Variants in LRRC37A2 observed in about 807,000 individuals in gnomAD.
LRRC37A2 encodes leucine-rich repeat-containing protein 37A2.
In LRRC37A2, 9 loss-of-function variants were observed where a neutral mutation model predicts 68.8. The observed-to-expected ratio is 0.13, with a 90% CI of 0.08 to 0.23. The LOEUF (loss-of-function observed/expected upper bound fraction) is 0.23. Among genes scored for constraint, LRRC37A2 ranks in the 10% least tolerant of loss-of-function variants. The pLI is 1.00. For synonymous variants in LRRC37A2, 63 were observed against 367.6 expected, an observed-to-expected ratio of 0.17 and a Z score of 9.48; for missense variants, 168 against 950.4, an observed-to-expected ratio of 0.18 and a Z score of 10.82.
the LRRC37A2 span, among the ~76,000 whole-genome samples, chr17:46,849,568 C>A: frequency 6.6e-6 from 1 of 152,190 alleles, no homozygotes; most frequent in Non-Finnish European, 1.5e-5. Context: ...GATCGTGGTT[C>A]AAAATCTTAC....
chr17:46,558,059 T>C (rs62073358), downstream of LRRC37A2, among the ~76,000 whole-genome samples: 16,675 of 133,312 alleles, frequency 0.13, no homozygotes, highest in Non-Finnish European at 0.18. Context: ...AGGAGTTTTG[T>C]TTGTTTTTTT....
At chr17:46,833,966 CA>C in the LRRC37A2 span, among the ~76,000 whole-genome samples, 4 of 152,114 alleles carry the variant, frequency 2.6e-5, no homozygotes, top group African/African-American at 7.2e-5. Flanking sequence ...GAGTCTGAGG[CA>C]GGAGGATCAC....
the LRRC37A2 span, among the ~76,000 whole-genome samples, chr17:46,906,135 C>A: frequency 6.6e-6 from 1 of 152,142 alleles, no homozygotes; most frequent in Non-Finnish European, 1.5e-5. Context: ...CCCAGCCCAG[C>A]CCCCACTCCT....
At chr17:46,773,667 C>G in the LRRC37A2 span, 1 of 1,270,566 alleles carries the variant, frequency 7.9e-7, no homozygotes, top group Non-Finnish European at 1.1e-6. Flanking sequence ...CAAGGCAGTA[C>G]CTTTGTCGAG....
the LRRC37A2 span, among the ~76,000 whole-genome samples, chr17:46,945,410 C>T: frequency 5.3e-5 from 8 of 152,224 alleles, no homozygotes; most frequent in East Asian, 5.8e-4. Context: ...TGAGGTGCAA[C>T]GTAGTGTGAT....
At chr17:46,752,032 C>T in the LRRC37A2 span, among the ~76,000 whole-genome samples, 1 of 152,166 alleles carries the variant, frequency 6.6e-6, no homozygotes, top group Non-Finnish European at 1.5e-5. Context: ...TAAGCGACTG[C>T]ACATATACCA....
At chr17:46,761,396 A>G in the LRRC37A2 span, among the ~76,000 whole-genome samples, 1 of 146,984 alleles carries the variant, frequency 6.8e-6, no homozygotes, top group South Asian at 2.2e-4. Context: ...CAGTGGTGCG[A>G]TCTCAGCTCA....
At chr17:46,467,780 A>G in the LRRC37A2 span, among the ~76,000 whole-genome samples, 1 of 105,274 alleles carries the variant, frequency 9.5e-6, no homozygotes, top group East Asian at 2.4e-4. Flanking sequence ...ACTGACGGAG[A>G]TGAACACTTG....
the LRRC37A2 span, among the ~76,000 whole-genome samples, chr17:46,691,839 G>C: frequency 6.6e-6 from 1 of 151,204 alleles, no homozygotes; most frequent in Non-Finnish European, 1.5e-5. Flanking sequence ...TGCAACCTCT[G>C]CCTCCTGGGT....
chr17:47,029,295 T>C, the LRRC37A2 span, among the ~76,000 whole-genome samples: 1 of 152,066 alleles, frequency 6.6e-6, no homozygotes, highest in African/African-American at 2.4e-5. Flanking sequence ...AAAAAACTTT[T>C]GTAAAGAAAA....
At chr17:46,721,409 C>T in the LRRC37A2 span, among the ~76,000 whole-genome samples, 1 of 152,164 alleles carries the variant, frequency 6.6e-6, no homozygotes, top group African/African-American at 2.4e-5. Flanking sequence ...TTCAGTTCTT[C>T]CTGTTTTTTC....
chr17:46,708,804 T>TTATATATATA, the LRRC37A2 span, among the ~76,000 whole-genome samples: 9 of 64,396 alleles, frequency 1.4e-4, no homozygotes, highest in Non-Finnish European at 2.1e-4. Flanking sequence ...ACCATTTATT[T>TTATATATATA]TATATATATA....
chr17:46,780,972 T>G, the LRRC37A2 span, among the ~76,000 whole-genome samples: 1 of 152,066 alleles, frequency 6.6e-6, no homozygotes, highest in Non-Finnish European at 1.5e-5. Flanking sequence ...GTGGTGGCGG[T>G]AATGCCAGCA....
chr17:46,972,287 C>T, the LRRC37A2 span, among the ~76,000 whole-genome samples: 1 of 152,178 alleles, frequency 6.6e-6, no homozygotes, highest in Non-Finnish European at 1.5e-5. Context: ...CCCTGCTGTC[C>T]TTTCATATGC....
At chr17:46,941,931 G>A in the LRRC37A2 span, 4 of 985,276 alleles carry the variant, frequency 4.1e-6, no homozygotes, top group Non-Finnish European at 4.8e-6. Context: ...CTGTCTCCTA[G>A]ACAGAAAGCT....
the LRRC37A2 span, among the ~76,000 whole-genome samples, chr17:46,956,008 T>C: frequency 0.015 from 2,296 of 152,196 alleles, 58 homozygotes; most frequent in African/African-American, 0.052. Flanking sequence ...GGAAAATCTT[T>C]CCATGCCCCA....
At chr17:47,028,802 C>T in the LRRC37A2 span, among the ~76,000 whole-genome samples, 2 of 151,260 alleles carry the variant, frequency 1.3e-5, no homozygotes, top group Non-Finnish European at 3.0e-5. Flanking sequence ...CCCTGGAGGA[C>T]TTTGTGTTAA....
the LRRC37A2 span, among the ~76,000 whole-genome samples, chr17:46,943,252 A>G: frequency 6.6e-6 from 1 of 152,172 alleles, no homozygotes; most frequent in Non-Finnish European, 1.5e-5. Context: ...AGAAGGAGCC[A>G]GATCCCTTGT....
the LRRC37A2 span, among the ~76,000 whole-genome samples, chr17:46,995,120 C>T: frequency 6.6e-6 from 1 of 152,106 alleles, no homozygotes. Context: ...GAGACTGTCC[C>T]CCCACTCCCC....
Sources: allele counts gnomAD v4.1 joint callset (sites outside exome capture counted in the v4.1 genomes callset), GRCh38; gene constraint gnomAD v4.1.1; transcripts MANE v1.5; gene names NCBI Gene and HGNC (gene_info 2026-07-23, HGNC 2026-07-21).